KCND3: variants seen among roughly 807,000 people sequenced by gnomAD.
The protein encoded by KCND3 is potassium voltage-gated channel subfamily D member 3.
In KCND3, 9 loss-of-function variants were observed where a neutral mutation model predicts 51.1. That is an observed-to-expected ratio of 0.18 (90% CI 0.11 to 0.31). KCND3 has a LOEUF of 0.31. Ranked by LOEUF, KCND3 falls within the 10% of genes least tolerant of loss-of-function variation. The pLI, the probability that KCND3 is intolerant of heterozygous loss-of-function variation, is 1.00. For synonymous variants in KCND3, 349 were observed against 368.0 expected, an observed-to-expected ratio of 0.95 and a Z score of 0.59; for missense variants, 526 against 903.8, an observed-to-expected ratio of 0.58 and a Z score of 5.36.
At chr1:111,808,906 C>T (rs1202652534) in intron 2 of KCND3, among the ~76,000 whole-genome samples, 1 of 152,220 alleles carries the variant, frequency 6.6e-6, no homozygotes, top group Non-Finnish European at 1.5e-5. Context: ...AGTGTCTGCC[C>T]TTCATTCTCA....
chr1:111,903,198 G>A (rs1442954028), intron 2 of KCND3, among the ~76,000 whole-genome samples: 3 of 152,218 alleles, frequency 2.0e-5, no homozygotes, highest in Non-Finnish European at 4.4e-5. Flanking sequence ...TCAGACCAGA[G>A]GGAGCAGAAG....
At chr1:111,970,411 CACA>C (rs2101958997) in intron 2 of KCND3, among the ~76,000 whole-genome samples, 1 of 152,330 alleles carries the variant, frequency 6.6e-6, no homozygotes. Flanking sequence ...ATGGCAGACC[CACA>C]ACATTTGTTG....
intron 2 of KCND3, among the ~76,000 whole-genome samples, chr1:111,904,559 A>C (rs922842673): frequency 6.6e-6 from 1 of 152,168 alleles, no homozygotes; most frequent in African/African-American, 2.4e-5. Context: ...CTGAGCTGGA[A>C]GTCAGCCTCT....
At chr1:111,949,679 T>C (rs1672961072) in intron 2 of KCND3, among the ~76,000 whole-genome samples, 1 of 152,152 alleles carries the variant, frequency 6.6e-6, no homozygotes, top group South Asian at 2.1e-4. Context: ...ATATTTTTAG[T>C]TGATTCCTTC....
intron 2 of KCND3, among the ~76,000 whole-genome samples, chr1:111,927,128 G>A (rs1027094454): frequency 1.3e-5 from 2 of 152,222 alleles, no homozygotes; most frequent in African/African-American, 4.8e-5. Context: ...CTGAGGCCCA[G>A]AGACATTAAA....
At chr1:111,877,432 G>A (rs565762974) in intron 2 of KCND3, among the ~76,000 whole-genome samples, 7 of 152,228 alleles carry the variant, frequency 4.6e-5, no homozygotes, top group Admixed American at 1.3e-4. Flanking sequence ...GGGGAGGCAA[G>A]GGCAGGGCAC....
intron 2 of KCND3, among the ~76,000 whole-genome samples, chr1:111,964,155 G>C (rs1673832208): frequency 6.6e-6 from 1 of 152,208 alleles, no homozygotes. Flanking sequence ...CAGGCAGGGA[G>C]GGGAAAGGGG....
chr1:111,792,154 G>A (rs749095942), intron 2 of KCND3, among the ~76,000 whole-genome samples: 6 of 152,218 alleles, frequency 3.9e-5, no homozygotes, highest in Non-Finnish European at 5.9e-5. Context: ...GAATGGGGAC[G>A]TTTGGCCCGA....
intron 2 of KCND3, among the ~76,000 whole-genome samples, chr1:111,973,800 C>T (rs1000948336): frequency 2.6e-4 from 39 of 152,192 alleles, no homozygotes; most frequent in African/African-American, 9.2e-4. Context: ...ATATTAAATT[C>T]AAGCTGTTCT....
chr1:111,873,924 T>G (rs1443747837), intron 2 of KCND3, among the ~76,000 whole-genome samples: 1 of 151,894 alleles, frequency 6.6e-6, no homozygotes, highest in Non-Finnish European at 1.5e-5. Flanking sequence ...GGGGGTAGGT[T>G]TAATTCTTGG....
intron 2 of KCND3, among the ~76,000 whole-genome samples, chr1:111,845,036 C>T (rs940529340): frequency 9.8e-5 from 15 of 152,286 alleles, no homozygotes; most frequent in Middle Eastern, 3.4e-3. Flanking sequence ...GTGCAGTCCA[C>T]GTGCATTCTC....
chr1:111,826,754 TATAATA>T (rs1411351049), intron 2 of KCND3, among the ~76,000 whole-genome samples: 1 of 152,136 alleles, frequency 6.6e-6, no homozygotes, highest in South Asian at 2.1e-4. Flanking sequence ...AAGTTTCTAT[TATAATA>T]ATAATAATAG....
intron 2 of KCND3, among the ~76,000 whole-genome samples, chr1:111,852,741 G>T (rs1191597186): frequency 2.0e-5 from 3 of 152,218 alleles, no homozygotes; most frequent in Admixed American, 6.5e-5. Context: ...TAAAATTGCT[G>T]AAGTCATAAC....
Position 111,982,831 on chromosome 1 carries a change from G to A in KCND3, c.-72-33C>T. ...ACAGGAGGGGAGAGAGAGAAGCGGT[G>A]AGTCCATATCGACTGGCAGGTAAGA... On this transcript the variant is annotated intron_variant, in intron 1 of 7. Coordinates refer to ENST00000302127, the MANE Select transcript of KCND3 (RefSeq NM_001378969.1). The surrounding 1 kb of genome is among the most constrained non-coding windows in gnomAD (Gnocchi z 8.5). The A allele has an allele frequency of 2.0e-6, 3 of 1,464,444 alleles. No individual in the cohort carries two copies. Among genetic ancestry groups the A allele is most frequent in the Non-Finnish European group, 2.8e-6 (3 of 1,084,118 alleles). 90.7% of individuals were successfully genotyped at this position (1,464,444 alleles called of 1,614,324 possible). A position where few individuals can be genotyped will look rare whatever the true frequency, so the allele number is the denominator to read the frequency against.
chr1:111,955,058 T>G (rs932227401), intron 2 of KCND3, among the ~76,000 whole-genome samples: 3 of 152,230 alleles, frequency 2.0e-5, no homozygotes, highest in African/African-American at 7.2e-5. Flanking sequence ...TCTTTGCACA[T>G]ACTCTTTCCT....
intron 2 of KCND3, among the ~76,000 whole-genome samples, chr1:111,909,156 G>A (rs1670801142): frequency 6.6e-6 from 1 of 151,984 alleles, no homozygotes; most frequent in Admixed American, 6.5e-5. Flanking sequence ...CTTTCATGCA[G>A]TCAACATTCC....
intron 2 of KCND3, among the ~76,000 whole-genome samples, chr1:111,802,723 G>A (rs1025118556): frequency 6.6e-6 from 1 of 152,164 alleles, no homozygotes; most frequent in African/African-American, 2.4e-5. Flanking sequence ...GACTAAATGG[G>A]TCCCCAACTT....
At chr1:111,816,570 C>T (rs1417391383) in intron 2 of KCND3, among the ~76,000 whole-genome samples, 3 of 152,202 alleles carry the variant, frequency 2.0e-5, no homozygotes, top group Non-Finnish European at 2.9e-5. Flanking sequence ...GCCTTCACAC[C>T]CCGAACTGGG....
chr1:111,777,328 A>G, intron 6 of KCND3, 55 bp from the exon 7 acceptor site: 1 of 1,579,064 alleles, frequency 6.3e-7, no homozygotes, highest in Admixed American at 1.7e-5. Context: ...GGAGAGAGGT[A>G]AGCCCCTATA....
Sources: gnomAD v4.1 joint callset for allele counts (sites outside exome capture counted in the v4.1 genomes callset) on GRCh38, gnomAD v4.1.1 for gene constraint, Gnocchi (gnomAD v3.1) non-coding constraint, MANE v1.5 for transcripts, NCBI Gene and HGNC (gene_info 2026-07-23, HGNC 2026-07-21) for gene names.